The following TTC39B variants were observed in gnomAD, a reference collection of about 807,000 sequenced individuals.
The protein encoded by TTC39B is tetratricopeptide repeat protein 39B.
TTC39B carries 92 observed loss-of-function variants against 96.6 expected under a neutral mutation model. The ratio of observed to expected loss-of-function variants is 0.95; its 90% CI spans 0.80 to 1.13. The LOEUF (loss-of-function observed/expected upper bound fraction) is 1.13, where lower values mean the gene tolerates loss of function less well. Ranked by LOEUF, TTC39B falls within the 50% of genes most tolerant of loss-of-function variation. The pLI, the probability that TTC39B is intolerant of heterozygous loss-of-function variation, is 0.00. For synonymous variants in TTC39B, 367 were observed against 299.4 expected (o/e 1.23, Z -2.33); for missense variants, 955 against 809.3 (o/e 1.18, Z -2.18).
chr9:15,217,230 C>T (rs140936195), intron 3 of TTC39B, among the ~76,000 whole-genome samples: 2 of 152,240 alleles, frequency 1.3e-5, no homozygotes, highest in African/African-American at 2.4e-5. Flanking sequence ...TCTCAACATC[C>T]GTTCCCTTCG....
intron 2 of TTC39B, among the ~76,000 whole-genome samples, chr9:15,227,049 G>C (rs899523848): frequency 6.6e-6 from 1 of 152,176 alleles, no homozygotes; most frequent in Admixed American, 6.5e-5. Context: ...GCTCACGCCT[G>C]TAATCTCAGC....
chr9:15,293,202 T>A (rs1824250332), intron 1 of TTC39B, among the ~76,000 whole-genome samples: 1 of 152,214 alleles, frequency 6.6e-6, no homozygotes, highest in South Asian at 2.1e-4. Flanking sequence ...TACAGGCTTG[T>A]AACCTGGGAG....
intron 2 of TTC39B, among the ~76,000 whole-genome samples, chr9:15,243,746 C>G (rs530671167): frequency 6.6e-6 from 1 of 151,878 alleles, no homozygotes; most frequent in African/African-American, 2.4e-5. Flanking sequence ...CCCATCTCTA[C>G]AAAAAAATAA....
rs114956252 is a variant in TTC39B, at chr9:15,296,933, G to A, written c.240+10151C>T. ...GCCCAGGGGGTCAAGTCTGCAGTAA[G>A]CCATGATCACACCACTCTAATCTAG... On this transcript the variant is annotated intron_variant, in intron 1 of 19. Coordinates refer to ENST00000512701, the Ensembl canonical transcript of TTC39B. Among the ~76,000 whole-genome samples, 467 of 152,276 alleles carry A rather than the reference G, an allele frequency of 3.1e-3. 2 individuals are homozygous for A. Among genetic ancestry groups the A allele is most frequent in the African/African-American group, 0.011 (440 of 41,556 alleles).
intron 2 of TTC39B, among the ~76,000 whole-genome samples, chr9:15,251,910 T>C (rs1012128868): frequency 2.0e-5 from 3 of 151,952 alleles, no homozygotes; most frequent in Non-Finnish European, 2.9e-5. Flanking sequence ...CATTTGTATC[T>C]GTATGCCTAC....
intron 3 of TTC39B, among the ~76,000 whole-genome samples, chr9:15,223,816 C>G (rs1820975852): frequency 6.6e-6 from 1 of 150,460 alleles, no homozygotes; most frequent in African/African-American, 2.5e-5. Flanking sequence ...AAATCTGAAA[C>G]TTTTTGAGCA....
At chr9:15,282,220 C>T (rs1293110830) in intron 1 of TTC39B, among the ~76,000 whole-genome samples, 2 of 152,130 alleles carry the variant, frequency 1.3e-5, no homozygotes, top group African/African-American at 4.8e-5. Flanking sequence ...ATTAGTATAA[C>T]AGACCATATA....
In TTC39B at chr9:15,182,392, A is replaced by G. The variant is rs1554764076; in HGVS notation, c.1638T>C (p.Gly546=). ...CTTTTCTTTTGCTCACTATTGAAAA[A>G]CCATTCCAGACATACATCATTTCCT... The change falls in exon 17 of 20, where the codon GGT becomes GGC. Residue 546 remains glycine, a synonymous_variant. Transcript: ENST00000512701. The G allele has an allele frequency of 1.3e-5, 21 of 1,611,272 alleles. No individual in the cohort carries two copies. In the South Asian group the frequency reaches 2.0e-4, roughly 15 times the overall value.
chr9:15,200,528 A>T (rs1445793493), intron 7 of TTC39B, among the ~76,000 whole-genome samples: 1 of 152,234 alleles, frequency 6.6e-6, no homozygotes, highest in Non-Finnish European at 1.5e-5. Flanking sequence ...CATCGACCAT[A>T]AAATTGAGGC....
intron 1 of TTC39B, among the ~76,000 whole-genome samples, chr9:15,277,992 A>T (rs1355993591): frequency 6.6e-6 from 1 of 152,248 alleles, no homozygotes; most frequent in African/African-American, 2.4e-5. Context: ...GAACCACCAG[A>T]TGTCACTGTC....
At chr9:15,305,797 A>G (rs1824735985) in intron 1 of TTC39B, among the ~76,000 whole-genome samples, 1 of 151,480 alleles carries the variant, frequency 6.6e-6, no homozygotes, top group Non-Finnish European at 1.5e-5. Flanking sequence ...GTGTTAATTA[A>G]TAATAGCACC....
intron 2 of TTC39B, among the ~76,000 whole-genome samples, chr9:15,248,602 T>TTGAATGAA (rs56177200): frequency 0.2 from 29,800 of 151,260 alleles, 3,580 homozygotes; most frequent in African/African-American, 0.34. Context: ...GTAAACATTT[T>TTGAATGAA]TGAATGAATG....
rs530327896 is a variant in TTC39B at position 15,179,434 on chromosome 9, G to A, written c.1724-1620C>T. On this transcript the variant is annotated intron_variant, in intron 17 of 19. Coordinates refer to ENST00000512701, the Ensembl canonical transcript of TTC39B. Reference sequence around the variant, plus strand: ...CAATGCTACTTAACCAACCAGAAAGGGGTTACTTCTTAGGTGCTGAAAACT... The same window carrying A: ...CAATGCTACTTAACCAACCAGAAAGAGGTTACTTCTTAGGTGCTGAAAACT... 2.0e-3 allele frequency among the ~76,000 whole-genome samples: 303 copies of A among 152,208 alleles called. 1 individual carries two copies. Among genetic ancestry groups the A allele is most frequent in the Middle Eastern group, 6.8e-3 (2 of 294 alleles).
rs565482860 is a variant in TTC39B at position 15,172,221 on chromosome 9, C to T, written c.1959-112G>A. ...TTACTTACTTTCAAACTCTAATATACATAACCGTAGATCTTAGTAAAATGC... is the reference window on the plus strand; with the variant it reads ...TTACTTACTTTCAAACTCTAATATATATAACCGTAGATCTTAGTAAAATGC... On this transcript the variant is annotated intron_variant, in intron 19 of 19. Transcript: ENST00000512701. 33 of 686,816 alleles carry T rather than the reference C, an allele frequency of 4.8e-5. No individual in the cohort carries two copies. In the African/African-American group the frequency reaches 5.8e-4, roughly 12 times the overall value. The allele number at this position is 686,816 out of a possible 1,614,324, so 42.5% of individuals were successfully genotyped here. A position where few individuals can be genotyped will look rare whatever the true frequency, so the allele number is the denominator to read the frequency against.
intron 3 of TTC39B, among the ~76,000 whole-genome samples, chr9:15,225,294 AAAAG>A (rs1186001796): frequency 1.3e-5 from 2 of 152,184 alleles, no homozygotes; most frequent in Admixed American, 1.3e-4. Context: ...TTTGAGGAGA[AAAAG>A]AATACACACA....
At chr9:15,193,863 T>G (rs1818999584) in intron 8 of TTC39B, among the ~76,000 whole-genome samples, 1 of 152,220 alleles carries the variant, frequency 6.6e-6, no homozygotes, top group Admixed American at 6.5e-5. Flanking sequence ...TTGGCCAGTT[T>G]ATTCTTTTAA....
chr9:15,175,182 TACACA>T (rs1165302885), intron 18 of TTC39B, 47 bp from the exon 19 acceptor site: 17 of 1,288,070 alleles, frequency 1.3e-5, no homozygotes, highest in Non-Finnish European at 1.9e-5. Flanking sequence ...GAACAAGAAA[TACACA>T]TTTTTCTAAA....
chr9:15,279,811 T>C (rs1340396748), intron 1 of TTC39B, among the ~76,000 whole-genome samples: 1 of 152,080 alleles, frequency 6.6e-6, no homozygotes. Context: ...CTATTACTAT[T>C]GGTGTCAGGA....
intron 16 of TTC39B, among the ~76,000 whole-genome samples, chr9:15,184,097 A>G (rs7046543): frequency 0.8 from 120,919 of 152,044 alleles, 48,245 homozygotes; most frequent in East Asian, 0.95. Flanking sequence ...TATGAACAAC[A>G]ATTTACAAAA....
Sources: allele counts gnomAD v4.1 joint callset (sites outside exome capture counted in the v4.1 genomes callset), GRCh38; gene constraint gnomAD v4.1.1; transcripts MANE v1.5; gene names NCBI Gene and HGNC (gene_info 2026-07-23, HGNC 2026-07-21).